The following CSMD1 variants were observed in gnomAD, a reference collection of about 807,000 sequenced individuals.
The protein encoded by CSMD1 is CUB and sushi domain-containing protein 1.
CSMD1 carries 213 observed loss-of-function variants against 417.5 expected under a neutral mutation model. The ratio of observed to expected loss-of-function variants is 0.51; its 90% CI spans 0.46 to 0.57. The LOEUF (loss-of-function observed/expected upper bound fraction) is 0.57. Among genes scored for constraint, CSMD1 ranks in the 20% least tolerant of loss-of-function variants. The pLI is 0.00. For synonymous variants in CSMD1, 2,862 were observed against 1,736.8 expected (o/e 1.65, Z -16.11); for missense variants, 6,923 against 4,529.7 (o/e 1.53, Z -15.17).
At chr8:4,744,058 G>C (rs539723720) in intron 1 of CSMD1, among the ~76,000 whole-genome samples, 1 of 152,286 alleles carries the variant, frequency 6.6e-6, no homozygotes, top group South Asian at 2.1e-4. Flanking sequence ...TTTCTTATGC[G>C]GCTTTGATGA....
intron 7 of CSMD1, among the ~76,000 whole-genome samples, chr8:3,640,781 G>A (rs1797266179): frequency 6.6e-6 from 1 of 152,128 alleles, no homozygotes; most frequent in South Asian, 2.1e-4. Flanking sequence ...GCCCCTGTGT[G>A]GGGAAGAGAC....
intron 5 of CSMD1, among the ~76,000 whole-genome samples, chr8:3,979,011 A>T (rs919892469): frequency 6.6e-6 from 1 of 152,204 alleles, no homozygotes; most frequent in Non-Finnish European, 1.5e-5. Flanking sequence ...AATCAGAAAA[A>T]GAACAAAGAT....
At chr8:3,007,232 T>C (rs1807996972) in intron 52 of CSMD1, among the ~76,000 whole-genome samples, 1 of 150,742 alleles carries the variant, frequency 6.6e-6, no homozygotes. Context: ...AGATACCATC[T>C]CACACCAGTT....
At chr8:3,063,224 G>A (rs1324419243) in intron 49 of CSMD1, among the ~76,000 whole-genome samples, 1 of 152,136 alleles carries the variant, frequency 6.6e-6, no homozygotes, top group African/African-American at 2.4e-5. Context: ...GCATACTCTG[G>A]TAAACTAGTC....
At chr8:4,578,444 A>G (rs1244294376) in intron 2 of CSMD1, among the ~76,000 whole-genome samples, 2 of 148,872 alleles carry the variant, frequency 1.3e-5, no homozygotes, top group Non-Finnish European at 3.0e-5. Flanking sequence ...AAGGGACTAC[A>G]TCATATTCTT....
chr8:4,280,515 A>C (rs1165711836), intron 3 of CSMD1, among the ~76,000 whole-genome samples: 1 of 152,236 alleles, frequency 6.6e-6, no homozygotes, highest in Non-Finnish European at 1.5e-5. Context: ...AAAATATACA[A>C]GCAAATTGTT....
chr8:4,227,002 A>C (rs1366768231), intron 3 of CSMD1, among the ~76,000 whole-genome samples: 1 of 152,166 alleles, frequency 6.6e-6, no homozygotes, highest in Non-Finnish European at 1.5e-5. Context: ...AAGGGGGTAA[A>C]TCCCGTCATT....
chr8:4,369,469 G>C (rs140819033), intron 3 of CSMD1, among the ~76,000 whole-genome samples: 13 of 152,234 alleles, frequency 8.5e-5, no homozygotes, highest in African/African-American at 3.1e-4. Context: ...AATTAGTCAA[G>C]TGTCAAGGTT....
intron 37 of CSMD1, among the ~76,000 whole-genome samples, chr8:3,168,696 T>A (rs1820388280): frequency 1.3e-5 from 2 of 151,980 alleles, no homozygotes; most frequent in Admixed American, 6.6e-5. Context: ...ACATAGTACC[T>A]TATGAAAAGA....
intron 54 of CSMD1, among the ~76,000 whole-genome samples, chr8:2,981,674 T>G (rs1168787323): frequency 6.6e-6 from 1 of 152,148 alleles, no homozygotes; most frequent in African/African-American, 2.4e-5. Flanking sequence ...GAACATGATG[T>G]CTTATATACA....
chr8:3,235,678 C>A (rs1236250287), intron 26 of CSMD1, among the ~76,000 whole-genome samples: 1 of 152,178 alleles, frequency 6.6e-6, no homozygotes, highest in African/African-American at 2.4e-5. Context: ...CACAGAATAT[C>A]AGTAGAAACA....
At chr8:3,194,408 C>CTTATTTTATTT (rs1554460410) in intron 33 of CSMD1, among the ~76,000 whole-genome samples, 2 of 134,842 alleles carry the variant, frequency 1.5e-5, no homozygotes, top group Non-Finnish European at 3.2e-5. Context: ...ATCTGATTAA[C>CTTATTTTATTT]TATTTTATTT....
chr8:3,772,068 G>T (rs1037513825), intron 5 of CSMD1, among the ~76,000 whole-genome samples: 13 of 151,292 alleles, frequency 8.6e-5, no homozygotes, highest in Non-Finnish European at 1.9e-4. Flanking sequence ...CTGCCATTAT[G>T]CTACCAATCC....
chr8:4,897,424 G>C (rs987807638), intron 1 of CSMD1, among the ~76,000 whole-genome samples: 2 of 152,056 alleles, frequency 1.3e-5, no homozygotes, highest in African/African-American at 4.8e-5. Context: ...GACTTACCAA[G>C]AAAACAAGTG....
chr8:4,444,730 T>A (rs1482303250), intron 2 of CSMD1, among the ~76,000 whole-genome samples: 6 of 152,132 alleles, frequency 3.9e-5, no homozygotes, highest in Non-Finnish European at 8.8e-5. Flanking sequence ...AGGAAAATAA[T>A]GAGGTAAAAT....
At chr8:3,145,410 A>T (rs531616967) in intron 40 of CSMD1, among the ~76,000 whole-genome samples, 1 of 152,346 alleles carries the variant, frequency 6.6e-6, no homozygotes, top group African/African-American at 2.4e-5. Context: ...GTCACGAAAC[A>T]TAACAACTTG....
chr8:4,421,138 GA>G (rs1554470721), intron 2 of CSMD1, among the ~76,000 whole-genome samples: 13 of 146,732 alleles, frequency 8.9e-5, no homozygotes, highest in Admixed American at 5.4e-4. Context: ...CTGATGAATG[GA>G]AAAAGAAACC....
intron 5 of CSMD1, among the ~76,000 whole-genome samples, chr8:3,774,639 C>T (rs1798802899): frequency 6.6e-6 from 1 of 152,124 alleles, no homozygotes; most frequent in Admixed American, 6.5e-5. Flanking sequence ...CTTTGTTGAA[C>T]TGTGGACAAC....
chr8:4,348,171 A>T (rs547792727), intron 3 of CSMD1, among the ~76,000 whole-genome samples: 1 of 152,172 alleles, frequency 6.6e-6, no homozygotes, highest in Admixed American at 6.6e-5. Flanking sequence ...TATTTACTGC[A>T]TATGATCTCT....
Sources: allele counts gnomAD v4.1 joint callset (sites outside exome capture counted in the v4.1 genomes callset), GRCh38; gene constraint gnomAD v4.1.1; transcripts MANE v1.5; gene names NCBI Gene and HGNC (gene_info 2026-07-23, HGNC 2026-07-21).